Variants in CNOT6 observed in about 807,000 individuals in gnomAD.
The protein encoded by CNOT6 is carbon catabolite repression 4 protein.
A neutral mutation model predicts 61.2 loss-of-function variants in CNOT6; 12 were observed. The observed-to-expected ratio is 0.20, with a 90% confidence interval of 0.13 to 0.32. The LOEUF is 0.32. Ranked by LOEUF, CNOT6 falls within the 10% of genes least tolerant of loss-of-function variation. CNOT6 has a pLI of 1.00. For missense variants in CNOT6, 405 were observed against 663.9 expected (o/e 0.61, Z 4.28); for synonymous variants, 225 against 240.6 (o/e 0.94, Z 0.60).
At chr5:180,505,290 C>T (rs1757080088) in intron 1 of CNOT6, among the ~76,000 whole-genome samples, 1 of 89,656 alleles carries the variant, frequency 1.1e-5, no homozygotes, top group Non-Finnish European at 2.1e-5. Context: ...GAGTCTGGCT[C>T]TGTCGCCCAG....
At chr5:180,550,181 G>T in intron 3 of CNOT6, 64 bp downstream of exon 3, 2 of 1,320,460 alleles carry the variant, frequency 1.5e-6, no homozygotes, top group South Asian at 2.5e-5. Context: ...TAGGCCGGGC[G>T]CAGTGGCTTA....
chr5:180,517,146 T>G (rs1019385935), intron 1 of CNOT6, among the ~76,000 whole-genome samples: 3 of 152,226 alleles, frequency 2.0e-5, no homozygotes, highest in African/African-American at 7.2e-5. Context: ...GTATAATCCT[T>G]TTTGTTTTTT....
chr5:180,544,557 C>G (rs1263177912), intron 2 of CNOT6, among the ~76,000 whole-genome samples: 1 of 152,020 alleles, frequency 6.6e-6, no homozygotes, highest in African/African-American at 2.4e-5. Flanking sequence ...TTTCCTTTCC[C>G]TTATTCCCAG....
chr5:180,573,908 C>G (rs997540615), intron 11 of CNOT6, 80 bp from the exon 12 acceptor site: 1 of 948,174 alleles, frequency 1.1e-6, no homozygotes, highest in African/African-American at 1.6e-5. Flanking sequence ...CCAAACATGA[C>G]ATAAAGGCAT....
intron 2 of CNOT6, among the ~76,000 whole-genome samples, chr5:180,541,544 C>G (rs1460864258): frequency 6.7e-6 from 1 of 149,406 alleles, no homozygotes; most frequent in Non-Finnish European, 1.5e-5. Flanking sequence ...CTCCGCCTCC[C>G]GGATTCACAG....
At chr5:180,500,021 A>G (rs1756796800) in intron 1 of CNOT6, among the ~76,000 whole-genome samples, 1 of 152,206 alleles carries the variant, frequency 6.6e-6, no homozygotes, top group African/African-American at 2.4e-5. Context: ...ATAAATAAAC[A>G]GGAAATATGG....
At chr5:180,512,828 C>T (rs533326437) in intron 1 of CNOT6, among the ~76,000 whole-genome samples, 13 of 152,266 alleles carry the variant, frequency 8.5e-5, no homozygotes, top group African/African-American at 2.9e-4. Flanking sequence ...GAACTCCTGA[C>T]CTCAGGTGAC....
Position 180,574,321 on chromosome 5 carries a change from C to A in CNOT6, c.*121C>A. The A allele has an allele frequency of 1.2e-6, 1 of 801,970 alleles. No individual in the cohort carries two copies. Among genetic ancestry groups the A allele is most frequent in the Non-Finnish European group, 2.1e-6 (1 of 485,132 alleles). The allele number at this position is 801,970 out of a possible 1,614,324, so 49.7% of individuals were successfully genotyped here. On this transcript the variant is annotated 3_prime_UTR_variant, in exon 12 of 12. Transcript: ENST00000261951. ...CTTAAGAATGATTTGGACTTTCAAT[C>A]TGATTATTTGATAAGGATATAGTAT... is the stretch of plus-strand genomic sequence containing the variant.
chr5:180,508,894 C>T (rs967284013), intron 1 of CNOT6, among the ~76,000 whole-genome samples: 4 of 151,336 alleles, frequency 2.6e-5, no homozygotes, highest in Non-Finnish European at 5.9e-5. Flanking sequence ...GTGATCCTGG[C>T]TCGCTGCAAC....
At chr5:180,546,092 C>T (rs1383575251) in intron 2 of CNOT6, among the ~76,000 whole-genome samples, 1 of 151,944 alleles carries the variant, frequency 6.6e-6, no homozygotes, top group Non-Finnish European at 1.5e-5. Context: ...ATGGGGGTTT[C>T]ACCATGTTGG....
intron 2 of CNOT6, among the ~76,000 whole-genome samples, chr5:180,537,526 C>A (rs117882340): frequency 4.6e-5 from 7 of 151,950 alleles, no homozygotes; most frequent in Non-Finnish European, 1.0e-4. Context: ...TTAAAAAATG[C>A]GGATATGTCT....
At chr5:180,495,511 C>G (rs1197500127) in intron 1 of CNOT6, 1 of 152,248 alleles carries the variant, frequency 6.6e-6, no homozygotes, top group Non-Finnish European at 1.5e-5. Flanking sequence ...CTGTGGCCTT[C>G]TGTTTTTAAC....
chr5:180,542,291 G>A (rs751375954), intron 2 of CNOT6, among the ~76,000 whole-genome samples: 21 of 151,214 alleles, frequency 1.4e-4, no homozygotes, highest in Non-Finnish European at 2.5e-4. Context: ...TTGAGACAGG[G>A]TCTCGCTCTG....
At chr5:180,564,946 A>G (rs80045701) in intron 6 of CNOT6, among the ~76,000 whole-genome samples, 2,751 of 152,368 alleles carry the variant, frequency 0.018, 73 homozygotes, top group African/African-American at 0.062. Context: ...GCTATAAAGC[A>G]GTGCTTCTCA....
chr5:180,526,872 C>G (rs1232952096), intron 1 of CNOT6, among the ~76,000 whole-genome samples: 1 of 146,736 alleles, frequency 6.8e-6, no homozygotes. Context: ...AAATCACATA[C>G]AACCGTAAAA....
intron 3 of CNOT6, among the ~76,000 whole-genome samples, chr5:180,552,671 A>G (rs1385230018): frequency 6.6e-6 from 1 of 152,094 alleles, no homozygotes; most frequent in Non-Finnish European, 1.5e-5. Flanking sequence ...TTGAAAAATA[A>G]AACTGCATGC....
chr5:180,514,818 G>C (rs936438262), intron 1 of CNOT6, among the ~76,000 whole-genome samples: 1 of 152,122 alleles, frequency 6.6e-6, no homozygotes, highest in African/African-American at 2.4e-5. Context: ...TGATTCCACT[G>C]TACTGAATTG....
chr5:180,535,431 GT>G (rs1758634084), intron 2 of CNOT6, among the ~76,000 whole-genome samples: 1 of 152,158 alleles, frequency 6.6e-6, no homozygotes, highest in Admixed American at 6.5e-5. Flanking sequence ...TTTCTGAGTT[GT>G]TTTGCTTAGG....
chr5:180,573,993 A>T lies in CNOT6; in HGVS notation c.1467A>T (p.Ile489=), dbSNP rs1308409590. The T allele has an allele frequency of 4.3e-6, 7 of 1,609,686 alleles. No homozygotes were observed. In the Admixed American group the frequency reaches 1.2e-4, roughly 27 times the overall value. ...YTNYTFDFKG[I]IDYIFYSKPQ... is the part of the protein sequence containing the mutation. ...TTTTTTCTGTTGTTTTTCAGGGTATAATAGACTACATTTTCTATTCTAAAC... is the reference window on the plus strand; with the variant it reads ...TTTTTTCTGTTGTTTTTCAGGGTATTATAGACTACATTTTCTATTCTAAAC... The change falls in exon 12 of 12, where the codon ATA becomes ATT. Residue 489 remains isoleucine (I), a synonymous_variant. Transcript: ENST00000261951.
Sources: gnomAD v4.1 joint callset for allele counts (sites outside exome capture counted in the v4.1 genomes callset) on GRCh38, gnomAD v4.1.1 for gene constraint, MANE v1.5 for transcripts, NCBI Gene and HGNC (gene_info 2026-07-23, HGNC 2026-07-21) for gene names.